Variants in PLEKHH2 observed in about 807,000 individuals in gnomAD.
PLEKHH2 encodes pleckstrin homology, MyTH4 and FERM domain containing H2.
Under a neutral mutation model 187.9 loss-of-function variants are expected in PLEKHH2, and 129 were observed. The ratio of observed to expected loss-of-function variants is 0.69; its 90% CI spans 0.59 to 0.79. PLEKHH2 has a LOEUF of 0.79. Among genes scored for constraint, PLEKHH2 ranks in the 30% least tolerant of loss-of-function variants. PLEKHH2 has a pLI of 0.00. For missense variants in PLEKHH2, 2,076 were observed against 1,751.2 expected (o/e 1.19, Z -3.31); for synonymous variants, 686 against 605.6 (o/e 1.13, Z -1.95).
Position 43,720,754 on chromosome 2 carries a change from G to A in PLEKHH2, c.2541+5G>A. Reference sequence around the variant, plus strand: ...TTTCGGAGTCAAGAAGATAAGGTATGTATGTATTTTTAATATGCCAATTGA... The same window carrying A: ...TTTCGGAGTCAAGAAGATAAGGTATATATGTATTTTTAATATGCCAATTGA... On this transcript the variant is annotated splice_donor_5th_base_variant and intron_variant, in intron 16 of 29. Coordinates refer to ENST00000282406, the MANE Select transcript of PLEKHH2 (RefSeq NM_172069.4). The A allele has an allele frequency of 6.3e-7, 1 of 1,598,228 alleles. No homozygotes were observed. Among genetic ancestry groups the A allele is most frequent in the Non-Finnish European group, 8.5e-7 (1 of 1,175,446 alleles).
chr2:43,711,669 A>G (rs1572602121), intron 14 of PLEKHH2: 1 of 715,930 alleles, frequency 1.4e-6, no homozygotes, highest in Non-Finnish European at 1.7e-6. Context: ...AGGCAGGCGG[A>G]TCATGAGGTC....
intron 27 of PLEKHH2, 34 bp from the exon 28 acceptor site, chr2:43,762,270 A>G (rs77801336): frequency 6.8e-7 from 1 of 1,476,738 alleles, no homozygotes; most frequent in Non-Finnish European, 9.5e-7. Flanking sequence ...TTTGCTTAGT[A>G]TTTATAATAT....
intron 2 of PLEKHH2, among the ~76,000 whole-genome samples, chr2:43,659,230 C>T (rs1417620372): frequency 6.6e-6 from 1 of 151,336 alleles, no homozygotes; most frequent in Admixed American, 6.6e-5. Flanking sequence ...TGGGCTCAAG[C>T]CATCTATCTG....
chr2:43,758,293 C>T (rs945823685), intron 26 of PLEKHH2, among the ~76,000 whole-genome samples: 1 of 152,172 alleles, frequency 6.6e-6, no homozygotes, highest in Non-Finnish European at 1.5e-5. Flanking sequence ...TGCTCTGCCA[C>T]CCAGGCTGTA....
intron 2 of PLEKHH2, among the ~76,000 whole-genome samples, chr2:43,653,651 C>G (rs2374564): frequency 0.58 from 88,524 of 151,976 alleles, 26,340 homozygotes; most frequent in Middle Eastern, 0.67. Context: ...CCCAGGCAGA[C>G]AGGTGAACCA....
intron 2 of PLEKHH2, among the ~76,000 whole-genome samples, chr2:43,652,406 A>G (rs1666521729): frequency 6.6e-6 from 1 of 152,202 alleles, no homozygotes; most frequent in Admixed American, 6.5e-5. Flanking sequence ...AGGCTATGCT[A>G]TCCAGAACTC....
intron 24 of PLEKHH2, among the ~76,000 whole-genome samples, chr2:43,751,375 A>T (rs1672002869): frequency 6.6e-6 from 1 of 152,182 alleles, no homozygotes; most frequent in African/African-American, 2.4e-5. Flanking sequence ...GGAAGGGTGA[A>T]CAGAGAGAGA....
chr2:43,643,560 C>G (rs1413935882), intron 1 of PLEKHH2, among the ~76,000 whole-genome samples: 2 of 151,986 alleles, frequency 1.3e-5, no homozygotes, highest in Non-Finnish European at 2.9e-5. Context: ...CTATATTACG[C>G]TAAATACTGG....
intron 28 of PLEKHH2, among the ~76,000 whole-genome samples, chr2:43,763,918 A>T (rs1211070703): frequency 6.6e-6 from 1 of 152,146 alleles, no homozygotes; most frequent in Non-Finnish European, 1.5e-5. Context: ...AAGGGCATAT[A>T]AAAAATATTA....
At chr2:43,752,227 C>T (rs551989103) in intron 24 of PLEKHH2, among the ~76,000 whole-genome samples, 14 of 152,298 alleles carry the variant, frequency 9.2e-5, no homozygotes, top group South Asian at 2.1e-4. Flanking sequence ...TTGTTTCATA[C>T]GGCTTTGCTG....
chr2:43,754,072 C>T (rs866038724), intron 25 of PLEKHH2, among the ~76,000 whole-genome samples: 4 of 151,466 alleles, frequency 2.6e-5, no homozygotes, highest in East Asian at 1.9e-4. Flanking sequence ...ATGCTGAAAT[C>T]GCTTGGTAGT....
At chr2:43,744,212 G>C in intron 23 of PLEKHH2, 1 of 999,702 alleles carries the variant, frequency 1.0e-6, no homozygotes, top group Non-Finnish European at 1.3e-6. Context: ...AGAGAGGAAA[G>C]GTGTTAGTAA....
chr2:43,702,124 A>G (rs993640618), intron 8 of PLEKHH2, among the ~76,000 whole-genome samples: 18 of 151,994 alleles, frequency 1.2e-4, no homozygotes, highest in African/African-American at 4.3e-4. Flanking sequence ...GCATAATTTA[A>G]CCTTTGGCCT....
intron 24 of PLEKHH2, among the ~76,000 whole-genome samples, chr2:43,752,002 A>G (rs1013213610): frequency 1.3e-5 from 2 of 151,162 alleles, no homozygotes; most frequent in Non-Finnish European, 2.9e-5. Context: ...GGAATAAGAG[A>G]AAATGCACTT....
intron 15 of PLEKHH2, among the ~76,000 whole-genome samples, chr2:43,713,630 C>G (rs1469888133): frequency 6.8e-6 from 1 of 146,154 alleles, no homozygotes; most frequent in Non-Finnish European, 1.5e-5. Flanking sequence ...TTGGTTATCT[C>G]TGTGATTTTA....
At chr2:43,698,778 TAA>T (rs1334372150) in intron 7 of PLEKHH2, among the ~76,000 whole-genome samples, 1 of 152,220 alleles carries the variant, frequency 6.6e-6, no homozygotes, top group Non-Finnish European at 1.5e-5. Flanking sequence ...CACTTCAGTC[TAA>T]AAGTTTAATT....
At chr2:43,729,935 A>G (rs1268209302) in intron 18 of PLEKHH2, among the ~76,000 whole-genome samples, 190 bp downstream of exon 18, 6 of 151,954 alleles carry the variant, frequency 3.9e-5, no homozygotes, top group Non-Finnish European at 7.4e-5. Context: ...ATCATTCCTC[A>G]TTAGTCTGTG....
intron 16 of PLEKHH2, among the ~76,000 whole-genome samples, chr2:43,721,954 G>A (rs574264639): frequency 8.5e-5 from 13 of 152,084 alleles, no homozygotes; most frequent in South Asian, 2.1e-4. Context: ...AATGCTACCC[G>A]AATATGTACA....
intron 2 of PLEKHH2, chr2:43,675,865 T>C: frequency 6.2e-7 from 1 of 1,614,086 alleles, no homozygotes; most frequent in South Asian, 1.1e-5. Context: ...CAAAAGGTAC[T>C]TTAAATTTTC....
Sources: gnomAD v4.1 joint callset for allele counts (sites outside exome capture counted in the v4.1 genomes callset) on GRCh38, gnomAD v4.1.1 for gene constraint, MANE v1.5 for transcripts, NCBI Gene and HGNC (gene_info 2026-07-23, HGNC 2026-07-21) for gene names.